Variants in HMBOX1 observed in about 807,000 individuals in gnomAD.
HMBOX1 encodes the protein homeobox containing 1.
HMBOX1 carries 14 observed loss-of-function variants against 54.5 expected under a neutral mutation model. The observed-to-expected ratio is 0.26, with a 90% CI of 0.17 to 0.40. The LOEUF is 0.40. Among genes scored for constraint, HMBOX1 ranks in the 10% least tolerant of loss-of-function variants. The pLI is 1.00. For missense variants in HMBOX1, 332 were observed against 514.4 expected (o/e 0.65, Z 3.43); for synonymous variants, 160 against 181.0 (o/e 0.88, Z 0.93).
At chr8:28,982,534 C>A (rs2132499966) in intron 4 of HMBOX1, among the ~76,000 whole-genome samples, 1 of 152,204 alleles carries the variant, frequency 6.6e-6, no homozygotes, top group Admixed American at 6.5e-5. Context: ...ATTGCAGCGT[C>A]CACCTCCTAG....
At chr8:28,943,089 A>G (rs1821745864) in intron 1 of HMBOX1, among the ~76,000 whole-genome samples, 1 of 152,246 alleles carries the variant, frequency 6.6e-6, no homozygotes, top group Non-Finnish European at 1.5e-5. Flanking sequence ...AATATGAATA[A>G]GTAGACCAGG....
intron 4 of HMBOX1, among the ~76,000 whole-genome samples, chr8:28,987,859 A>G (rs924344551): frequency 3.3e-5 from 5 of 152,226 alleles, no homozygotes; most frequent in African/African-American, 4.8e-5. Flanking sequence ...AACTTCAGCT[A>G]AATTTAACTA....
At chr8:28,952,132 C>T (rs894565010) in intron 1 of HMBOX1, among the ~76,000 whole-genome samples, 26 of 145,358 alleles carry the variant, frequency 1.8e-4, no homozygotes, top group African/African-American at 6.3e-4. Context: ...GCTCTGATGC[C>T]TGGGTGACAG....
chr8:28,893,788 G>A (rs980250592), intron 1 of HMBOX1, among the ~76,000 whole-genome samples: 21 of 152,272 alleles, frequency 1.4e-4, no homozygotes, highest in African/African-American at 5.1e-4. Context: ...TGAATACATT[G>A]GGAATATTTA....
At chr8:29,019,030 A>G (rs1800764466) in intron 6 of HMBOX1, 117 bp downstream of exon 6, 1 of 819,026 alleles carries the variant, frequency 1.2e-6, no homozygotes, top group African/African-American at 1.7e-5. Flanking sequence ...TTCTATCTCT[A>G]AAAGTACTTT....
Position 28,921,347 on chromosome 8 carries a change from A to T in HMBOX1, c.-58+30669A>T, listed in dbSNP as rs6982996. Among the ~76,000 whole-genome samples the T allele has an allele frequency of 7.1e-3, 1,086 of 152,298 alleles. 15 individuals are homozygous for T. Among genetic ancestry groups the T allele is most frequent in the African/African-American group, 0.025 (1,046 of 41,560 alleles). On this transcript the variant is annotated intron_variant, in intron 1 of 9. Coordinates refer to ENST00000287701, the MANE Select transcript of HMBOX1 (RefSeq NM_001135726.3). ...TGAGACCCTGTCTCAATCATACCTA[A>T]ACCAAAAATATTTCCATAGACGTTT... is the stretch of plus-strand genomic sequence containing the variant.
intron 1 of HMBOX1, among the ~76,000 whole-genome samples, chr8:28,893,497 G>A (rs1811450555): frequency 6.6e-6 from 1 of 152,158 alleles, no homozygotes; most frequent in African/African-American, 2.4e-5. Context: ...TGAACACTAT[G>A]TATGGTCACA....
At chr8:28,921,814 A>G (rs745382864) in intron 1 of HMBOX1, among the ~76,000 whole-genome samples, 26 of 152,262 alleles carry the variant, frequency 1.7e-4, no homozygotes, top group Non-Finnish European at 2.4e-4. Context: ...CAAAAGCTCT[A>G]TCACTTGAGT....
intron 1 of HMBOX1, among the ~76,000 whole-genome samples, chr8:28,920,556 GC>G (rs1341432950): frequency 1.3e-5 from 2 of 152,070 alleles, no homozygotes; most frequent in Non-Finnish European, 2.9e-5. Flanking sequence ...TATGCATAGT[GC>G]CCTCATACCC....
chr8:28,943,166 G>A (rs571872023), intron 1 of HMBOX1, among the ~76,000 whole-genome samples: 10 of 152,294 alleles, frequency 6.6e-5, no homozygotes, highest in Admixed American at 3.9e-4. Context: ...TTCTGTGTCC[G>A]TTTAGGGTCT....
chr8:28,923,600 A>G (rs1397929250), intron 1 of HMBOX1, among the ~76,000 whole-genome samples: 4 of 152,190 alleles, frequency 2.6e-5, no homozygotes, highest in African/African-American at 9.7e-5. Flanking sequence ...AGTATAAGTA[A>G]TCTAGAGATG....
In HMBOX1 at chr8:29,018,825, C is replaced by A; in HGVS notation, c.763C>A (p.Pro255Thr). The A allele has an allele frequency of 6.2e-7, 1 of 1,613,902 alleles. No individual in the cohort carries two copies. Among genetic ancestry groups the A allele is most frequent in the East Asian group, 2.2e-5 (1 of 44,900 alleles). ...GGACCCTGAATGGAGACAAACGCCTCCCCCAGTCTCTGCCACATCTGGTAC... is the reference window on the plus strand; with the variant it reads ...GGACCCTGAATGGAGACAAACGCCTACCCCAGTCTCTGCCACATCTGGTAC... Reference protein sequence around the residue: ...IEDPEWRQTPPPVSATSGTFR... With the variant: ...IEDPEWRQTPTPVSATSGTFR... Residue 255 changes from proline (P) to threonine (T), a missense_variant, in exon 6 of 10, where the codon CCC (proline) becomes ACC (threonine). Coordinates refer to ENST00000287701, the MANE Select transcript of HMBOX1 (RefSeq NM_001135726.3).
At chr8:28,934,690 C>G (rs1482995996) in intron 1 of HMBOX1, among the ~76,000 whole-genome samples, 1 of 151,750 alleles carries the variant, frequency 6.6e-6, no homozygotes, top group Non-Finnish European at 1.5e-5. Context: ...CTTTGGGAGG[C>G]TGAGGCGGGC....
chr8:28,904,090 G>A lies in HMBOX1; in HGVS notation c.-58+13412G>A, dbSNP rs548679425. Among the ~76,000 whole-genome samples the A allele has an allele frequency of 1.2e-4, 19 of 152,166 alleles. No homozygotes were observed. In the East Asian group the frequency reaches 2.7e-3, roughly 22 times the overall value. On this transcript the variant is annotated intron_variant, in intron 1 of 9. Coordinates refer to ENST00000287701, the MANE Select transcript of HMBOX1 (RefSeq NM_001135726.3). ...TAGGGCCAACGCCTTTTCTTTGTGT[G>A]TGACTCTATCAGTTGACACTCTACA...
intron 1 of HMBOX1, among the ~76,000 whole-genome samples, chr8:28,926,360 G>T (rs1391962273): frequency 6.6e-6 from 1 of 150,964 alleles, no homozygotes; most frequent in Admixed American, 6.6e-5. Flanking sequence ...TATTCATTTA[G>T]AAGTAGATAG....
chr8:28,930,436 G>A (rs1006760694), intron 1 of HMBOX1, among the ~76,000 whole-genome samples: 7 of 152,064 alleles, frequency 4.6e-5, no homozygotes, highest in South Asian at 2.1e-4. Flanking sequence ...CATCTTAGAC[G>A]TGTAGATACT....
At chr8:28,976,770 G>A (rs1176928664) in intron 3 of HMBOX1, among the ~76,000 whole-genome samples, 3 of 146,438 alleles carry the variant, frequency 2.0e-5, no homozygotes, top group South Asian at 2.1e-4. Flanking sequence ...GCAGTGGCAC[G>A]TTTTCGGCTC....
chr8:29,045,379 A>G lies in HMBOX1; in HGVS notation c.870A>G (p.Gln290=), dbSNP rs754378502. ...TCTGCAGTTACTTCAATGAGAATCAATACCCAGATGAAGCAAAGAGGGAAG... is the reference window on the plus strand; with the variant it reads ...TCTGCAGTTACTTCAATGAGAATCAGTACCCAGATGAAGCAAAGAGGGAAG... ...AVMESYFNEN[Q]YPDEAKREEI... Residue 290 remains glutamine (Q), a synonymous_variant, in exon 7 of 10, where the codon CAA becomes CAG. Transcript: ENST00000287701. The G allele has an allele frequency of 3.7e-6, 6 of 1,614,166 alleles. No homozygotes were observed. In the East Asian group the frequency reaches 1.1e-4, roughly 30 times the overall value.
intron 1 of HMBOX1, among the ~76,000 whole-genome samples, chr8:28,911,251 G>A (rs536347328): frequency 6.6e-5 from 10 of 152,336 alleles, no homozygotes; most frequent in Non-Finnish European, 1.3e-4. Flanking sequence ...AGAAGACCTG[G>A]GGGGAGGGTG....
Sources: allele counts gnomAD v4.1 joint callset (sites outside exome capture counted in the v4.1 genomes callset), GRCh38; gene constraint gnomAD v4.1.1; transcripts MANE v1.5; gene names NCBI Gene and HGNC (gene_info 2026-07-23, HGNC 2026-07-21).